CDHR3: variants seen among roughly 807,000 people sequenced by gnomAD.
CDHR3 encodes the protein cadherin related family member 3.
A neutral mutation model predicts 86.6 loss-of-function variants in CDHR3; 79 were observed. The observed-to-expected ratio is 0.91, with a 90% confidence interval of 0.76 to 1.10. The LOEUF (loss-of-function observed/expected upper bound fraction) is 1.10, where lower values mean the gene tolerates loss of function less well. CDHR3 is among the 50% of genes least tolerant of loss of function. The pLI is 0.00. For missense variants in CDHR3, 1,081 were observed against 1,077.6 expected (o/e 1.00, Z -0.04); for synonymous variants, 421 against 402.4 (o/e 1.05, Z -0.55).
At chr7:105,968,799 GTTGC>G (rs1403198704) in intron 1 of CDHR3, among the ~76,000 whole-genome samples, 1 of 152,192 alleles carries the variant, frequency 6.6e-6, no homozygotes, top group African/African-American at 2.4e-5. Context: ...GATTAATAGT[GTTGC>G]TTTGGCTAGG....
chr7:106,026,666 C>T lies in CDHR3; in HGVS notation c.2259-16C>T. Reference sequence around the variant, plus strand: ...ACTTTCAAGTGAATTAATAGCCATTCTTTTTCCCCCCATAGGACAAAGAAA... The same window carrying T: ...ACTTTCAAGTGAATTAATAGCCATTTTTTTTCCCCCCATAGGACAAAGAAA... On this transcript the variant is annotated splice_polypyrimidine_tract_variant and intron_variant, in intron 15 of 18. Coordinates refer to ENST00000317716, the MANE Select transcript of CDHR3 (RefSeq NM_152750.5). 1 of 1,613,630 alleles carries T rather than the reference C, an allele frequency of 6.2e-7. No individual in the cohort carries two copies. Among genetic ancestry groups the T allele is most frequent in the Non-Finnish European group, 8.5e-7 (1 of 1,179,568 alleles).
At chr7:106,025,706 G>T (rs750724343) in intron 15 of CDHR3, among the ~76,000 whole-genome samples, 1 of 152,194 alleles carries the variant, frequency 6.6e-6, no homozygotes, top group Admixed American at 6.5e-5. Context: ...ATGAAAGACT[G>T]TATAAAAGTA....
intron 2 of CDHR3, among the ~76,000 whole-genome samples, chr7:105,976,751 C>G (rs988597852): frequency 6.6e-6 from 1 of 152,146 alleles, no homozygotes; most frequent in Non-Finnish European, 1.5e-5. Context: ...GCATAAGGTT[C>G]CAAGGGTCAC....
chr7:106,010,418 G>A (rs779729985), intron 8 of CDHR3, among the ~76,000 whole-genome samples: 3 of 152,192 alleles, frequency 2.0e-5, no homozygotes, highest in African/African-American at 2.4e-5. Context: ...TTAATAAGTG[G>A]TGTCTCTTCT....
At chr7:105,994,136 A>C (rs1396229747) in intron 4 of CDHR3, among the ~76,000 whole-genome samples, 1 of 152,086 alleles carries the variant, frequency 6.6e-6, no homozygotes, top group Non-Finnish European at 1.5e-5. Flanking sequence ...ATGCTCATGC[A>C]TTTTGCGCCC....
intron 4 of CDHR3, 81 bp downstream of exon 4, chr7:105,984,370 G>A: frequency 9.5e-7 from 1 of 1,048,348 alleles, no homozygotes; most frequent in African/African-American, 1.6e-5. Flanking sequence ...GTCTTGGCGG[G>A]GTGAGTTTGG....
At chr7:105,963,421 A>G (rs1364488872) in intron 1 of CDHR3, 57 bp downstream of exon 1, 12 of 1,547,996 alleles carry the variant, frequency 7.8e-6, no homozygotes, top group Non-Finnish European at 8.0e-6. Flanking sequence ...GCATAATACC[A>G]TTGAATGACA....
At chr7:106,001,697 G>T (rs1833208251) in intron 7 of CDHR3, 87 bp downstream of exon 7, 1 of 1,545,028 alleles carries the variant, frequency 6.5e-7, no homozygotes, top group South Asian at 1.2e-5. Context: ...CGTTACCCAT[G>T]AGAATTGGTT....
At chr7:106,014,972 C>T in intron 9 of CDHR3, 139 bp from the exon 10 acceptor site, 1 of 623,206 alleles carries the variant, frequency 1.6e-6, no homozygotes, top group Non-Finnish European at 2.7e-6. Flanking sequence ...TTTAAAGCTC[C>T]TAATTTTTAT....
At chr7:105,994,265 A>C (rs1411255429) in intron 4 of CDHR3, among the ~76,000 whole-genome samples, 3 of 152,024 alleles carry the variant, frequency 2.0e-5, no homozygotes, top group Non-Finnish European at 2.9e-5. Flanking sequence ...CCTATTACCT[A>C]GTGGGTAGTA....
At position 106,028,581 on chromosome 7, in the gene CDHR3, T is replaced by A; in HGVS notation, c.2303T>A (p.Val768Glu). 6.2e-7 allele frequency: 1 copy of A among 1,613,866 alleles called. No homozygotes were observed. The highest frequency in any genetic ancestry group is 8.5e-7 in the Non-Finnish European group (1 of 1,179,848). Reference protein sequence around the residue: ...ETKTAERDVVVETIQMNTIFD... With the variant: ...ETKTAERDVVEETIQMNTIFD... ...AAGACTGCAGAGAGAGACGTCGTGG[T>A]GGTGAGTATGGGCAGTGTGGGGCAC... The change falls in exon 17 of 19, where the codon GTG (valine) becomes GAG (glutamate). Residue 768 changes from valine (V) to glutamate (E), a missense_variant and splice_region_variant. By Grantham distance (121) the Val-to-Glu change is moderately radical. Transcript: ENST00000317716.
intron 7 of CDHR3, among the ~76,000 whole-genome samples, chr7:106,003,989 C>CAAAAAAAAAAA (rs55815648): frequency 7.4e-4 from 59 of 79,932 alleles, no homozygotes; most frequent in African/African-American, 1.2e-3. Context: ...CCAACCTAAC[C>CAAAAAAAAAAA]AAAAAAAAAA....
chr7:105,978,856 G>A (rs1829215260), intron 2 of CDHR3, among the ~76,000 whole-genome samples: 1 of 149,550 alleles, frequency 6.7e-6, no homozygotes, highest in South Asian at 2.1e-4. Flanking sequence ...AAGGAGAAGA[G>A]GCTGGCAATA....
intron 14 of CDHR3, among the ~76,000 whole-genome samples, chr7:106,023,092 A>G (rs1836822894): frequency 6.6e-6 from 1 of 152,206 alleles, no homozygotes; most frequent in African/African-American, 2.4e-5. Context: ...AATCAGCACC[A>G]CCTGGAAACT....
At chr7:106,013,476 T>G (rs1014257971) in intron 9 of CDHR3, among the ~76,000 whole-genome samples, 2 of 152,056 alleles carry the variant, frequency 1.3e-5, no homozygotes. Flanking sequence ...ACAGTGAGGA[T>G]GTGTAGGAAG....
At position 106,033,071 on chromosome 7, in the gene CDHR3, T is replaced by C; in HGVS notation, c.*374T>C. ...TGACATAAATAGTGAAGACTATCCT[T>C]ACATCTGGTTTCCACCTTATTTTCC... On this transcript the variant is annotated 3_prime_UTR_variant, in exon 19 of 19. Transcript: ENST00000317716. 1 of 188,468 alleles carries C rather than the reference T, an allele frequency of 5.3e-6. No homozygotes were observed. Among genetic ancestry groups the C allele is most frequent in the East Asian group, 1.3e-4 (1 of 7,850 alleles). The allele number at this position is 188,468 out of a possible 1,614,324, so 11.7% of individuals were successfully genotyped here.
intron 6 of CDHR3, among the ~76,000 whole-genome samples, chr7:105,997,328 A>G (rs1322807902): frequency 6.6e-6 from 1 of 152,194 alleles, no homozygotes; most frequent in African/African-American, 2.4e-5. Flanking sequence ...GTCCAGTTGC[A>G]GGTGTCAAAG....
rs1833675389 is a variant in CDHR3, at chr7:106,004,595, A to T, written c.960A>T (p.Arg320Ser). 6.2e-7 allele frequency: 1 copy of T among 1,613,910 alleles called. No homozygotes were observed. The highest frequency in any genetic ancestry group is 8.5e-7 in the Non-Finnish European group (1 of 1,179,908). Reference protein sequence around the residue: ...TISLEVLVKDRPYGGQENRIQ... With the variant: ...TISLEVLVKDSPYGGQENRIQ... Reference sequence around the variant, plus strand: ...CCCTGGAAGTTCTAGTGAAGGACAGACCATATGGGGGTCAGGAGAATCGCA... The same window carrying T: ...CCCTGGAAGTTCTAGTGAAGGACAGTCCATATGGGGGTCAGGAGAATCGCA... Residue 320 changes from arginine (R) to serine (S), a missense_variant, in exon 8 of 19, where the codon AGA becomes AGT. Transcript: ENST00000317716.
At chr7:106,005,423 C>G (rs1361263259) in intron 8 of CDHR3, among the ~76,000 whole-genome samples, 1 of 152,194 alleles carries the variant, frequency 6.6e-6, no homozygotes. Context: ...CCATATTAGC[C>G]TCGTCTCTGA....
Sources: gnomAD v4.1 joint callset for allele counts (sites outside exome capture counted in the v4.1 genomes callset) on GRCh38, gnomAD v4.1.1 for gene constraint, MANE v1.5 for transcripts, NCBI Gene and HGNC (gene_info 2026-07-23, HGNC 2026-07-21) for gene names.